Variants in TEN1 observed in about 807,000 individuals in gnomAD.
The protein encoded by TEN1 is TEN1 subunit of CST complex.
In TEN1, 6 loss-of-function variants were observed where a neutral mutation model predicts 9.3. The observed-to-expected ratio is 0.65, with a 90% confidence interval of 0.35 to 1.27. TEN1 has a LOEUF of 1.27. Ranked by LOEUF, TEN1 falls within the 50% of genes most tolerant of loss-of-function variation. The probability of loss-of-function intolerance (pLI) is 0.03; values close to 1 mark genes in which losing one functional copy is unlikely to be tolerated. For missense variants in TEN1, 149 were observed against 158.2 expected (o/e 0.94, Z 0.31); for synonymous variants, 65 against 65.6 (o/e 0.99, Z 0.04).
rs1567893467 is a variant in TEN1, at chr17:75,979,681, G to A, written c.-7+170G>A. Among the ~76,000 whole-genome samples, 8 of 152,276 alleles carry A rather than the reference G, an allele frequency of 5.3e-5. No homozygotes were observed. In the South Asian group the frequency reaches 1.7e-3, roughly 32 times the overall value. Reference sequence around the variant, plus strand: ...CTCTGGAGTCTGGGGCGGGAGATGGGGCTTTGCGGAATTGCTAGGGAGGGT... The same window carrying A: ...CTCTGGAGTCTGGGGCGGGAGATGGAGCTTTGCGGAATTGCTAGGGAGGGT... On this transcript the variant is annotated intron_variant, in intron 1 of 3. Coordinates refer to ENST00000397640, the MANE Select transcript of TEN1 (RefSeq NM_001113324.3).
At chr17:75,996,883 C>G (rs556194968) in intron 3 of TEN1, among the ~76,000 whole-genome samples, 18 of 152,228 alleles carry the variant, frequency 1.2e-4, no homozygotes, top group African/African-American at 3.9e-4. Context: ...AAACCACACA[C>G]CCACAGAGTC....
chr17:75,980,112 G>A (rs1333064863), intron 1 of TEN1, among the ~76,000 whole-genome samples: 1 of 152,224 alleles, frequency 6.6e-6, no homozygotes, highest in African/African-American at 2.4e-5. Context: ...CGAGGCGGGC[G>A]TATCACTTGA....
At position 75,986,039 on chromosome 17, in the gene TEN1, C is replaced by A. The variant is rs866982487; in HGVS notation, c.-6-148C>A. The A allele has an allele frequency of 2.9e-4, 167 of 583,210 alleles. No individual in the cohort carries two copies. The South Asian group carries it at 3.3e-3, about 12-fold the overall frequency. 36.1% of individuals were successfully genotyped at this position (583,210 alleles called of 1,614,324 possible). ...TATCTCCTAATGCTATCCCTCCCCC[C>A]AAAAAATTTTTTTTTTAATTTTAAA... On this transcript the variant is annotated intron_variant, in intron 1 of 3. Coordinates refer to ENST00000397640, the MANE Select transcript of TEN1 (RefSeq NM_001113324.3).
intron 1 of TEN1, among the ~76,000 whole-genome samples, chr17:75,980,318 A>G (rs2066107977): frequency 6.6e-6 from 1 of 152,196 alleles, no homozygotes. Context: ...CATCCTGGGC[A>G]ACATAGTGAG....
At chr17:75,982,721 T>A (rs993998955) in intron 1 of TEN1, among the ~76,000 whole-genome samples, 6 of 151,922 alleles carry the variant, frequency 3.9e-5, no homozygotes, top group Admixed American at 3.9e-4. Flanking sequence ...ATTTATTTAT[T>A]ATTTTTTCAG....
intron 1 of TEN1, among the ~76,000 whole-genome samples, chr17:75,981,887 C>T (rs1003494239): frequency 9.2e-5 from 14 of 152,048 alleles, no homozygotes; most frequent in African/African-American, 2.2e-4. Context: ...AAAAGCCGAG[C>T]GAGGTGCCAT....
chr17:75,993,515 G>A (rs546373151), intron 3 of TEN1, among the ~76,000 whole-genome samples: 3 of 152,270 alleles, frequency 2.0e-5, no homozygotes, highest in South Asian at 4.1e-4. Context: ...AACAGTCCTC[G>A]CTAGTGGCCA....
At chr17:75,986,661 A>G (rs1185470489) in intron 2 of TEN1, among the ~76,000 whole-genome samples, 1 of 151,988 alleles carries the variant, frequency 6.6e-6, no homozygotes, top group Non-Finnish European at 1.5e-5. Flanking sequence ...AAATCGCGCC[A>G]TTGCACTCCA....
rs193079026 is a variant in TEN1, at chr17:75,996,495, T to A, written c.251-3646T>A. On this transcript the variant is annotated intron_variant, in intron 3 of 3. Coordinates refer to ENST00000397640, the MANE Select transcript of TEN1 (RefSeq NM_001113324.3). ...AGCAAAACTCCATCTCAAAAAAAAA[T>A]AATAATAATAACCAGCCTGGGTAAC... 2.2e-3 allele frequency among the ~76,000 whole-genome samples: 322 copies of A among 146,416 alleles called. 2 individuals carry two copies. The highest frequency in any genetic ancestry group is 7.2e-3 in the African/African-American group (287 of 39,648).
chr17:75,995,275 C>T (rs1489068550), intron 3 of TEN1, among the ~76,000 whole-genome samples: 1 of 151,764 alleles, frequency 6.6e-6, no homozygotes, highest in Non-Finnish European at 1.5e-5. Flanking sequence ...ACCTGTAATC[C>T]CAGCACTTTG....
chr17:75,993,582 G>A (rs1460638283), intron 3 of TEN1, among the ~76,000 whole-genome samples: 1 of 152,218 alleles, frequency 6.6e-6, no homozygotes, highest in East Asian at 1.9e-4. Context: ...CGCCAGCAGT[G>A]CCTAGGCTGG....
chr17:75,980,834 C>G (rs1003478841), intron 1 of TEN1, among the ~76,000 whole-genome samples: 2 of 152,224 alleles, frequency 1.3e-5, no homozygotes, highest in African/African-American at 4.8e-5. Flanking sequence ...CTCTTAACCC[C>G]TAGGACCTCA....
chr17:75,986,430 G>C (rs1030805667), intron 2 of TEN1, 146 bp downstream of exon 2: 4 of 758,054 alleles, frequency 5.3e-6, no homozygotes, highest in Non-Finnish European at 7.7e-6. Flanking sequence ...TGCCGGGCGC[G>C]GTGGCTCATG....
chr17:75,985,239 C>G (rs1046606422), intron 1 of TEN1, among the ~76,000 whole-genome samples: 2 of 152,158 alleles, frequency 1.3e-5, no homozygotes, highest in African/African-American at 4.8e-5. Context: ...CTTCAACCTC[C>G]TGTGGTGGTG....
chr17:75,999,502 G>A (rs907111518), intron 3 of TEN1, among the ~76,000 whole-genome samples: 1 of 151,834 alleles, frequency 6.6e-6, no homozygotes, highest in Non-Finnish European at 1.5e-5. Context: ...ACCACTACAC[G>A]CGGCTAATTT....
intron 3 of TEN1, among the ~76,000 whole-genome samples, chr17:75,994,045 T>C (rs543222357): frequency 2.0e-4 from 30 of 152,116 alleles, no homozygotes; most frequent in South Asian, 1.5e-3. Flanking sequence ...CTGAAGCTAA[T>C]CAGGCCTCAG....
At chr17:75,995,591 G>A (rs904946928) in intron 3 of TEN1, among the ~76,000 whole-genome samples, 2 of 152,202 alleles carry the variant, frequency 1.3e-5, no homozygotes, top group African/African-American at 2.4e-5. Context: ...CCTGACACCC[G>A]CTGGCGCCAT....
intron 1 of TEN1, chr17:75,984,673 C>G (rs72865830): frequency 0.13 from 19,656 of 152,268 alleles, 1,638 homozygotes; most frequent in Middle Eastern, 0.21. Flanking sequence ...AGCCACTGCA[C>G]CCAACCTTGT....
At chr17:75,999,589 T>G (rs1014930127) in intron 3 of TEN1, among the ~76,000 whole-genome samples, 1 of 152,122 alleles carries the variant, frequency 6.6e-6, no homozygotes. Flanking sequence ...GTGTTCCACA[T>G]GCCTTGGCCT....
Sources: gnomAD v4.1 joint callset for allele counts (sites outside exome capture counted in the v4.1 genomes callset) on GRCh38, gnomAD v4.1.1 for gene constraint, MANE v1.5 for transcripts, NCBI Gene and HGNC (gene_info 2026-07-23, HGNC 2026-07-21) for gene names.